CXCL13: variants seen among roughly 807,000 people sequenced by gnomAD.
CXCL13 encodes the protein C-X-C motif chemokine 13.
A neutral mutation model predicts 12.2 loss-of-function variants in CXCL13; 7 were observed. The observed-to-expected ratio is 0.57, with a 90% CI of 0.33 to 1.07. The LOEUF (loss-of-function observed/expected upper bound fraction) is 1.07, where lower values mean the gene tolerates loss of function less well. CXCL13 is among the 50% of genes least tolerant of loss of function. The pLI, the probability that CXCL13 is intolerant of heterozygous loss-of-function variation, is 0.04. For synonymous variants in CXCL13, 47 were observed against 42.4 expected (o/e 1.11, Z -0.42); for missense variants, 113 against 127.4 (o/e 0.89, Z 0.55).
At chr4:77,600,625 G>A (rs77387354) in intron 1 of CXCL13, among the ~76,000 whole-genome samples, 2,735 of 152,280 alleles carry the variant, frequency 0.018, 28 homozygotes, top group South Asian at 0.032. Flanking sequence ...CTCACTGCAT[G>A]CACTATGCTT....
chr4:77,586,027 A>G (rs1429820375), intron 1 of CXCL13, among the ~76,000 whole-genome samples: 1 of 152,210 alleles, frequency 6.6e-6, no homozygotes, highest in East Asian at 1.9e-4. Flanking sequence ...ATAAATTAAC[A>G]CTTGTGAAAC....
intron 1 of CXCL13, among the ~76,000 whole-genome samples, chr4:77,561,390 G>C (rs1209274824): frequency 9.9e-5 from 15 of 152,162 alleles, no homozygotes; most frequent in Admixed American, 9.2e-4. Flanking sequence ...ATATAAAAGT[G>C]GTTCTCCATT....
rs1021249282 is a variant in CXCL13 at position 77,547,879 on chromosome 4, C to G, written c.-43+36091C>G. Among the ~76,000 whole-genome samples, 3 of 152,048 alleles carry G rather than the reference C, an allele frequency of 2.0e-5. No homozygotes were observed. In the South Asian group the frequency reaches 6.2e-4, roughly 32 times the overall value. On this transcript the variant is annotated intron_variant, in intron 1 of 4. Coordinates refer to the CXCL13 transcript ENST00000286758. ...TTTGCAGTGGCTGGTACAGGTTTTT[C>G]CTTTCCATGGTTAGTGCTTCCTTCA...
At chr4:77,596,191 A>G (rs1726744813) in intron 1 of CXCL13, among the ~76,000 whole-genome samples, 1 of 152,232 alleles carries the variant, frequency 6.6e-6, no homozygotes, top group South Asian at 2.1e-4. Context: ...AAGCAAAAAC[A>G]CTAACAGTGT....
chr4:77,610,543 CTT>C, intron 2 of CXCL13, 69 bp from the exon 3 acceptor site: 2 of 1,224,950 alleles, frequency 1.6e-6, no homozygotes, highest in South Asian at 2.6e-5. Context: ...ATACCAAACT[CTT>C]TTCTTTATTA....
chr4:77,610,636 A>G lies in CXCL13; in HGVS notation c.220A>G (p.Ile74Val), dbSNP rs187741836. The G allele has an allele frequency of 1.9e-6, 3 of 1,613,144 alleles. No homozygotes were observed. The highest frequency in any genetic ancestry group is 1.3e-5 in the African/African-American group (1 of 75,036). Residue 74 changes from isoleucine to valine, a missense_variant, in exon 3 of 4, where the codon ATT (isoleucine) becomes GTT (valine). Physicochemically the swap from Ile to Val is conservative, Grantham distance 29. Coordinates refer to ENST00000682537, the MANE Select transcript of CXCL13 (RefSeq NM_001371558.1). ...EIIVWKKNKS[I>V]VCVDPQAEWI... ...CAGAGTCTGGAAGAAGAACAAGTCA[A>G]TTGTGTGTGTGGACCCTCAAGCTGA...
At chr4:77,526,206 TAAAC>T (rs1349763260) in intron 1 of CXCL13, among the ~76,000 whole-genome samples, 1 of 152,038 alleles carries the variant, frequency 6.6e-6, no homozygotes, top group African/African-American at 2.4e-5. Flanking sequence ...GTTAATCAAA[TAAAC>T]AAGAGGTTTG....
At position 77,610,629 on chromosome 4, in the gene CXCL13, C is replaced by T. The variant is rs1203900088; in HGVS notation, c.213C>T (p.Asn71=). The T allele has an allele frequency of 1.9e-6, 3 of 1,612,014 alleles. No individual in the cohort carries two copies. Among genetic ancestry groups the T allele is most frequent in the Non-Finnish European group, 2.5e-6 (3 of 1,178,188 alleles). The change falls in exon 3 of 4, where the codon AAC becomes AAT. Residue 71 remains asparagine, a synonymous_variant. Transcript: ENST00000682537. ...PRKEIIVWKK[N]KSIVCVDPQA... Reference sequence around the variant, plus strand: ...TTTCCCCCAGAGTCTGGAAGAAGAACAAGTCAATTGTGTGTGTGGACCCTC... The same window carrying T: ...TTTCCCCCAGAGTCTGGAAGAAGAATAAGTCAATTGTGTGTGTGGACCCTC...
In CXCL13 at chr4:77,559,529, A is replaced by C. The variant is rs550648007; in HGVS notation, c.-42-46295A>C. Among the ~76,000 whole-genome samples the C allele has an allele frequency of 3.9e-4, 59 of 152,288 alleles. No individual in the cohort carries two copies. The South Asian group carries it at 0.012, about 31-fold the overall frequency. ...TCTTCATTCTGGGGAGAGTTTGAAC[A>C]CATTACAGCTATCGCACAGCAACCA... On this transcript the variant is annotated intron_variant, in intron 1 of 4. Coordinates refer to the CXCL13 transcript ENST00000286758.
At chr4:77,538,638 C>T (rs1356389263) in intron 1 of CXCL13, among the ~76,000 whole-genome samples, 2 of 152,088 alleles carry the variant, frequency 1.3e-5, no homozygotes, top group Non-Finnish European at 2.9e-5. Flanking sequence ...ACAAAGCCCA[C>T]TAGAGATGGT....
In CXCL13 at chr4:77,555,030, G is replaced by A. The variant is rs541346010; in HGVS notation, c.-43+43242G>A. Among the ~76,000 whole-genome samples, 498 of 151,722 alleles carry A rather than the reference G, an allele frequency of 3.3e-3. 2 individuals carry two copies. The highest frequency in any genetic ancestry group is 5.9e-3 in the Non-Finnish European group (403 of 67,772). ...TTTACATTAAGAAGCTAAAAAAACA[G>A]AAGAACAAATTGAACCCAAAGTAAG... On this transcript the variant is annotated intron_variant, in intron 1 of 4. Transcript: ENST00000286758.
intron 1 of CXCL13, among the ~76,000 whole-genome samples, chr4:77,587,442 G>A (rs1467713305): frequency 6.6e-6 from 1 of 152,158 alleles, no homozygotes; most frequent in Non-Finnish European, 1.5e-5. Flanking sequence ...AAGGAGACAC[G>A]TGCAAAAATA....
chr4:77,517,343 T>C (rs999803492), intron 1 of CXCL13, among the ~76,000 whole-genome samples: 1 of 152,154 alleles, frequency 6.6e-6, no homozygotes, highest in East Asian at 1.9e-4. Flanking sequence ...CAGAGCTGAG[T>C]TCAATTCCTG....
At chr4:77,573,172 A>T (rs1450306824) in intron 1 of CXCL13, among the ~76,000 whole-genome samples, 1 of 151,938 alleles carries the variant, frequency 6.6e-6, no homozygotes, top group Non-Finnish European at 1.5e-5. Flanking sequence ...TAATCTGTAC[A>T]GCAAACCCCT....
chr4:77,525,660 T>C (rs1213578004), intron 1 of CXCL13, among the ~76,000 whole-genome samples: 1 of 152,198 alleles, frequency 6.6e-6, no homozygotes, highest in East Asian at 1.9e-4. Context: ...GGAATTAACA[T>C]GTACATGTTG....
intron 1 of CXCL13, among the ~76,000 whole-genome samples, chr4:77,542,323 C>T (rs1285537694): frequency 6.6e-6 from 1 of 152,016 alleles, no homozygotes; most frequent in East Asian, 1.9e-4. Context: ...TTTGCTTTTT[C>T]AGTATAATGT....
At chr4:77,590,094 G>A (rs1261938898) in intron 1 of CXCL13, among the ~76,000 whole-genome samples, 1 of 152,160 alleles carries the variant, frequency 6.6e-6, no homozygotes, top group Non-Finnish European at 1.5e-5. Context: ...ATATGTAGAG[G>A]AGTTCCAAGG....
intron 1 of CXCL13, among the ~76,000 whole-genome samples, chr4:77,542,604 C>T (rs1725232300): frequency 6.6e-6 from 1 of 152,020 alleles, no homozygotes; most frequent in Admixed American, 6.6e-5. Context: ...TGGGTGGGGA[C>T]ACAGATGCAA....
chr4:77,533,795 C>A (rs185335160), intron 1 of CXCL13, among the ~76,000 whole-genome samples: 1 of 152,308 alleles, frequency 6.6e-6, no homozygotes, highest in Non-Finnish European at 1.5e-5. Context: ...GCTGTGCTAG[C>A]CATGAGCAAG....
Sources: gnomAD v4.1 joint callset for allele counts (sites outside exome capture counted in the v4.1 genomes callset) on GRCh38, gnomAD v4.1.1 for gene constraint, MANE v1.5 for transcripts, NCBI Gene and HGNC (gene_info 2026-07-23, HGNC 2026-07-21) for gene names.